Variants in CNMD observed in about 807,000 individuals in gnomAD.
The protein encoded by CNMD is leukocyte cell-derived chemotaxin 1.
A neutral mutation model predicts 37.5 loss-of-function variants in CNMD; 30 were observed. The ratio of observed to expected loss-of-function variants is 0.80; its 90% confidence interval spans 0.60 to 1.09. CNMD has a LOEUF of 1.09. CNMD is among the 50% of genes least tolerant of loss of function. The pLI is 0.00. For synonymous variants in CNMD, 167 were observed against 148.2 expected (o/e 1.13, Z -0.92); for missense variants, 398 against 423.9 (o/e 0.94, Z 0.54).
chr13:52,716,878 TG>T (rs1247575541), intron 4 of CNMD, among the ~76,000 whole-genome samples: 1 of 152,230 alleles, frequency 6.6e-6, no homozygotes, highest in East Asian at 1.9e-4. Context: ...TTTCTAATTC[TG>T]TGAAGAAAGT....
At chr13:52,724,588 G>A (rs985087713) in intron 3 of CNMD, among the ~76,000 whole-genome samples, 6 of 151,442 alleles carry the variant, frequency 4.0e-5, no homozygotes, top group African/African-American at 7.3e-5. Context: ...GCAAGACTCC[G>A]TCTCAAAACA....
Position 52,714,927 on chromosome 13 carries a change from A to T in CNMD, c.469-2058T>A, listed in dbSNP as rs148761113. Among the ~76,000 whole-genome samples, 297 of 152,308 alleles carry T rather than the reference A, an allele frequency of 1.9e-3. 4 individuals are homozygous for T. The highest frequency in any genetic ancestry group is 1.3e-3 in the Non-Finnish European group (90 of 68,020). ...TCCCTGAAATAAACCTTACCTTGTC[A>T]TGACATGTTACTTATTCAACATATG... is the stretch of plus-strand genomic sequence containing the variant. On this transcript the variant is annotated intron_variant, in intron 4 of 6. Transcript: ENST00000377962.
chr13:52,714,431 A>G lies in CNMD; in HGVS notation c.469-1562T>C, dbSNP rs576584768. ...TGAATTTGTTTTTGTCCACTAGAGG[A>G]TCCATCATGCATGACATAAACAACT... On this transcript the variant is annotated intron_variant, in intron 4 of 6. Transcript: ENST00000377962. Among the ~76,000 whole-genome samples the G allele has an allele frequency of 3.9e-5, 6 of 152,334 alleles. No individual in the cohort carries two copies. In the South Asian group the frequency reaches 1.0e-3, roughly 26 times the overall value.
chr13:52,734,679 T>C lies in CNMD; in HGVS notation c.214-1320A>G, dbSNP rs373220264. Among the ~76,000 whole-genome samples, 12 of 152,196 alleles carry C rather than the reference T, an allele frequency of 7.9e-5. No individual in the cohort carries two copies. In the East Asian group the frequency reaches 2.1e-3, roughly 27 times the overall value. On this transcript the variant is annotated intron_variant, in intron 2 of 6. Coordinates refer to ENST00000377962, the MANE Select transcript of CNMD (RefSeq NM_007015.3). ...ATATATACACATATATATAAATCTT[T>C]AAAGTGGAGGAATGAGAACTGATGA...
chr13:52,703,847 T>A, intron 6 of CNMD, 37 bp from the exon 7 acceptor site: 1 of 1,559,970 alleles, frequency 6.4e-7, no homozygotes, highest in Non-Finnish European at 8.8e-7. Flanking sequence ...GATAACTGCA[T>A]AGTGGGAAGG....
intron 2 of CNMD, 78 bp downstream of exon 2, chr13:52,738,953 C>A (rs1199097334): frequency 6.8e-6 from 9 of 1,326,002 alleles, no homozygotes; most frequent in African/African-American, 4.6e-5. Context: ...GCGCGCCCCT[C>A]GCCGGCCCGC....
chr13:52,739,475 T>C lies in CNMD; in HGVS notation c.72+155A>G. 1 of 738,496 alleles carries C rather than the reference T, an allele frequency of 1.4e-6. No individual in the cohort carries two copies. The highest frequency in any genetic ancestry group is 1.7e-5 in the South Asian group (1 of 58,896). 45.7% of individuals were successfully genotyped at this position (738,496 alleles called of 1,614,324 possible). On this transcript the variant is annotated intron_variant, in intron 1 of 6. Transcript: ENST00000377962. The surrounding 1 kb of genome is among the most constrained non-coding windows in gnomAD (Gnocchi z 5.4). ...GGATGCCGTGACCCCTGCACACTCA[T>C]ACGCGTGGGGCGACATCCCACCCAC...
chr13:52,704,838 G>C (rs1964148301), intron 6 of CNMD, among the ~76,000 whole-genome samples: 1 of 152,046 alleles, frequency 6.6e-6, no homozygotes, highest in African/African-American at 2.4e-5. Flanking sequence ...AAGGTGGGTG[G>C]ATCACCTGAG....
intron 2 of CNMD, 32 bp downstream of exon 2, chr13:52,738,998 CG>C: frequency 2.0e-6 from 3 of 1,537,882 alleles, no homozygotes; most frequent in East Asian, 2.7e-5. Flanking sequence ...ATGGGCGACA[CG>C]GGGGTCCCCG....
chr13:52,717,995 TATTA>T (rs1352868077), intron 4 of CNMD, among the ~76,000 whole-genome samples: 1 of 152,174 alleles, frequency 6.6e-6, no homozygotes, highest in Non-Finnish European at 1.5e-5. Flanking sequence ...GTCGGTAGGC[TATTA>T]ATTACTGCCT....
At chr13:52,733,883 G>A (rs943010305) in intron 2 of CNMD, among the ~76,000 whole-genome samples, 2 of 152,176 alleles carry the variant, frequency 1.3e-5, no homozygotes, top group Admixed American at 1.3e-4. Flanking sequence ...GTCAAGATTA[G>A]GCATGCAGTG....
chr13:52,711,234 C>G (rs1237322109), intron 5 of CNMD, among the ~76,000 whole-genome samples: 1 of 152,096 alleles, frequency 6.6e-6, no homozygotes, highest in African/African-American at 2.4e-5. Context: ...AGGGAGAGCT[C>G]TAACTGGTAG....
At chr13:52,735,435 C>A (rs1964740573) in intron 2 of CNMD, among the ~76,000 whole-genome samples, 1 of 151,972 alleles carries the variant, frequency 6.6e-6, no homozygotes, top group South Asian at 2.1e-4. Context: ...AAGAACATAA[C>A]CATTTCTAAA....
intron 6 of CNMD, among the ~76,000 whole-genome samples, chr13:52,704,476 ATT>A (rs1964142716): frequency 1.4e-5 from 2 of 143,336 alleles, no homozygotes; most frequent in South Asian, 4.5e-4. Flanking sequence ...TAAACACAAG[ATT>A]ACATTGGTGA....
intron 2 of CNMD, 67 bp downstream of exon 2, chr13:52,738,964 G>A (rs1217440122): frequency 1.7e-5 from 24 of 1,372,430 alleles, no homozygotes; most frequent in Non-Finnish European, 2.2e-5. Context: ...GCCGGCCCGC[G>A]CTCGGGCTCC....
At chr13:52,735,753 C>T (rs1594291734) in intron 2 of CNMD, among the ~76,000 whole-genome samples, 2 of 151,628 alleles carry the variant, frequency 1.3e-5, no homozygotes, top group East Asian at 1.9e-4. Context: ...TTCAAAACCG[C>T]CCTGGGCCGC....
intron 2 of CNMD, 51 bp downstream of exon 2, chr13:52,738,980 G>A (rs1374717111): frequency 6.7e-7 from 1 of 1,496,536 alleles, no homozygotes; most frequent in Admixed American, 2.4e-5. Context: ...GCTCCCCCTA[G>A]GGGCACCATG....
Position 52,712,861 on chromosome 13 carries a change from C to T in CNMD, c.477G>A (p.Lys159=), listed in dbSNP as rs1169712717. The T allele has an allele frequency of 6.4e-7, 1 of 1,559,500 alleles. No individual in the cohort carries two copies. The highest frequency in any genetic ancestry group is 8.6e-7 in the Non-Finnish European group (1 of 1,157,674). ...TTTCTTCATATTTGACTGGCATGATCTTGCCTTCCTGAAAGTAAAAACGAT... is the reference window on the plus strand; with the variant it reads ...TTTCTTCATATTTGACTGGCATGATTTTGCCTTCCTGAAAGTAAAAACGAT... ...KQSISSKLEG[K]IMPVKYEENS... Residue 159 remains lysine (K), a synonymous_variant, in exon 5 of 7, where the codon AAG becomes AAA. Coordinates refer to ENST00000377962, the MANE Select transcript of CNMD (RefSeq NM_007015.3).
chr13:52,728,094 A>T (rs1295677895), intron 3 of CNMD, among the ~76,000 whole-genome samples: 1 of 152,192 alleles, frequency 6.6e-6, no homozygotes, highest in Admixed American at 6.5e-5. Context: ...AAGGCAAATT[A>T]AAAAATCACC....
Sources: allele counts gnomAD v4.1 joint callset (sites outside exome capture counted in the v4.1 genomes callset), GRCh38; gene constraint gnomAD v4.1.1; non-coding constraint Gnocchi (gnomAD v3.1); transcripts MANE v1.5; gene names NCBI Gene and HGNC (gene_info 2026-07-23, HGNC 2026-07-21).